Variants in MCTP1 observed in about 807,000 individuals in gnomAD.
The protein encoded by MCTP1 is multiple C2 and transmembrane domain-containing protein 1.
Under a neutral mutation model 120.6 loss-of-function variants are expected in MCTP1, and 69 were observed. That is an observed-to-expected ratio of 0.57 (90% CI 0.47 to 0.70). The LOEUF is 0.70. MCTP1 is among the 30% of genes least tolerant of loss of function. The pLI is 0.00. For missense variants in MCTP1, 1,203 were observed against 1,248.8 expected (o/e 0.96, Z 0.55); for synonymous variants, 529 against 493.1 (o/e 1.07, Z -0.96).
At chr5:94,892,046 A>G (rs1316008558) in intron 11 of MCTP1, among the ~76,000 whole-genome samples, 1 of 152,122 alleles carries the variant, frequency 6.6e-6, no homozygotes, top group East Asian at 1.9e-4. Flanking sequence ...TGGCTGCAGC[A>G]GCTGTCAGGG....
intron 1 of MCTP1, among the ~76,000 whole-genome samples, chr5:95,269,851 T>C (rs1759218914): frequency 6.6e-6 from 1 of 152,224 alleles, no homozygotes; most frequent in South Asian, 2.1e-4. Context: ...ACTAACACTA[T>C]CTCTTTGTCA....
chr5:94,716,263 A>G (rs1280897300), intron 19 of MCTP1, among the ~76,000 whole-genome samples: 1 of 152,228 alleles, frequency 6.6e-6, no homozygotes, highest in Non-Finnish European at 1.5e-5. Context: ...ATTAGACGAG[A>G]CGCATAAAGC....
chr5:95,141,192 C>G (rs1477523217), intron 1 of MCTP1, among the ~76,000 whole-genome samples: 1 of 152,150 alleles, frequency 6.6e-6, no homozygotes, highest in African/African-American at 2.4e-5. Flanking sequence ...TTTTGACATT[C>G]AAGTAAAATC....
chr5:95,102,010 C>T (rs1756770271), intron 1 of MCTP1, among the ~76,000 whole-genome samples: 1 of 152,018 alleles, frequency 6.6e-6, no homozygotes, highest in Non-Finnish European at 1.5e-5. Context: ...TGAATGTAGC[C>T]ACAATTTATC....
intron 2 of MCTP1, among the ~76,000 whole-genome samples, chr5:95,016,775 G>A (rs1837194012): frequency 6.6e-6 from 1 of 151,980 alleles, no homozygotes; most frequent in Non-Finnish European, 1.5e-5. Context: ...TCCCTCATGT[G>A]GCCTATCCTC....
At chr5:95,166,751 T>C (rs1447456562) in intron 1 of MCTP1, among the ~76,000 whole-genome samples, 1 of 151,920 alleles carries the variant, frequency 6.6e-6, no homozygotes, top group Non-Finnish European at 1.5e-5. Context: ...GTATTTTTAG[T>C]AGAGATGGGG....
Position 95,119,779 on chromosome 5 carries a change from A to T in MCTP1, c.721-102295T>A, listed in dbSNP as rs528726966. Among the ~76,000 whole-genome samples, 46 of 152,340 alleles carry T rather than the reference A, an allele frequency of 3.0e-4. 2 individuals are homozygous for T. Among genetic ancestry groups the T allele is most frequent in the Non-Finnish European group, 6.5e-4 (44 of 68,028 alleles). Reference sequence around the variant, plus strand: ...ATTGGAAAATCCAGAAGAAACAGATAAATTCCTACATGCGTAAAACCTATT... The same window carrying T: ...ATTGGAAAATCCAGAAGAAACAGATTAATTCCTACATGCGTAAAACCTATT... On this transcript the variant is annotated intron_variant, in intron 1 of 22. Transcript: ENST00000515393.
intron 4 of MCTP1, among the ~76,000 whole-genome samples, chr5:94,940,714 C>T (rs1156966422): frequency 1.3e-5 from 2 of 150,150 alleles, no homozygotes; most frequent in African/African-American, 2.4e-5. Flanking sequence ...TGATTACATA[C>T]AAAAATTAAT....
intron 1 of MCTP1, among the ~76,000 whole-genome samples, chr5:95,163,699 A>T (rs1024579564): frequency 1.3e-5 from 2 of 152,130 alleles, no homozygotes; most frequent in Non-Finnish European, 2.9e-5. Flanking sequence ...AAATGTAGGT[A>T]TTGTTTTCCT....
chr5:94,961,221 A>G (rs1210537966), intron 2 of MCTP1, among the ~76,000 whole-genome samples: 1 of 145,450 alleles, frequency 6.9e-6, no homozygotes, highest in Non-Finnish European at 1.5e-5. Flanking sequence ...GAGTTGAACA[A>G]TGAGAACATA....
chr5:94,962,406 A>G (rs574184568), intron 2 of MCTP1, among the ~76,000 whole-genome samples: 1 of 151,386 alleles, frequency 6.6e-6, no homozygotes, highest in African/African-American at 2.4e-5. Context: ...AATGGCCATC[A>G]ATCAACAAGT....
intron 1 of MCTP1, among the ~76,000 whole-genome samples, chr5:95,207,954 AGAGG>A (rs1481675117): frequency 8.8e-5 from 9 of 102,428 alleles, no homozygotes; most frequent in East Asian, 2.6e-4. Context: ...AGAGGGAGAG[AGAGG>A]GAGAGAGAGG....
At chr5:94,842,687 T>C (rs1486020163) in intron 17 of MCTP1, among the ~76,000 whole-genome samples, 4 of 152,232 alleles carry the variant, frequency 2.6e-5, no homozygotes, top group Non-Finnish European at 4.4e-5. Context: ...TGCTATCTTA[T>C]GAATAAACAA....
At chr5:95,055,548 C>T (rs1327810752) in intron 1 of MCTP1, among the ~76,000 whole-genome samples, 1 of 152,188 alleles carries the variant, frequency 6.6e-6, no homozygotes, top group Non-Finnish European at 1.5e-5. Context: ...AGCAACATGT[C>T]CAAGCCCACG....
chr5:94,842,067 T>A (rs540780003), intron 17 of MCTP1, among the ~76,000 whole-genome samples: 30 of 152,294 alleles, frequency 2.0e-4, no homozygotes, highest in Non-Finnish European at 3.8e-4. Flanking sequence ...GATAATCTAC[T>A]GGAGCTAATT....
chr5:95,152,619 C>A (rs920995940), intron 1 of MCTP1, among the ~76,000 whole-genome samples: 3 of 152,124 alleles, frequency 2.0e-5, no homozygotes, highest in Non-Finnish European at 2.9e-5. Flanking sequence ...AATTTGATTC[C>A]TTTGTTTTGT....
intron 2 of MCTP1, among the ~76,000 whole-genome samples, chr5:94,956,318 G>A (rs34823284): frequency 0.046 from 6,105 of 132,796 alleles, 168 homozygotes; most frequent in Middle Eastern, 0.11. Context: ...AAAAAACAGC[G>A]CAAAAAGGCT....
rs115918044 is a variant in MCTP1, at chr5:94,909,978, G to A, written c.1522-597C>T. 2.3e-3 allele frequency among the ~76,000 whole-genome samples: 350 copies of A among 152,102 alleles called. 2 individuals are homozygous for A. Among genetic ancestry groups the A allele is most frequent in the African/African-American group, 8.1e-3 (336 of 41,526 alleles). ...ATAGATGGATAAGCTGAGACCTAGA[G>A]TTTAAGTGACACACCTACGGTCAGT... On this transcript the variant is annotated intron_variant, in intron 9 of 22. Transcript: ENST00000515393.
At chr5:94,708,431 A>G (rs1755456975) in intron 22 of MCTP1, 81 bp downstream of exon 22, 3 of 851,692 alleles carry the variant, frequency 3.5e-6, no homozygotes, top group Non-Finnish European at 5.6e-6. Context: ...AAAGCCTTTG[A>G]AATTAGAAGG....
Sources: allele counts gnomAD v4.1 joint callset (sites outside exome capture counted in the v4.1 genomes callset), GRCh38; gene constraint gnomAD v4.1.1; transcripts MANE v1.5; gene names NCBI Gene and HGNC (gene_info 2026-07-23, HGNC 2026-07-21).